The following WASF3 variants were observed in gnomAD, a reference collection of about 807,000 sequenced individuals.
The protein encoded by WASF3 is actin-binding protein WASF3.
A neutral mutation model predicts 46.6 loss-of-function variants in WASF3; 11 were observed. The ratio of observed to expected loss-of-function variants is 0.24; its 90% confidence interval spans 0.15 to 0.39. WASF3 has a LOEUF of 0.39. Among genes scored for constraint, WASF3 ranks in the 10% least tolerant of loss-of-function variants. The pLI is 1.00. For synonymous variants in WASF3, 242 were observed against 259.7 expected (o/e 0.93, Z 0.65); for missense variants, 576 against 669.8 (o/e 0.86, Z 1.55).
intron 2 of WASF3, among the ~76,000 whole-genome samples, chr13:26,634,401 C>T (rs891841441): frequency 3.3e-5 from 5 of 152,136 alleles, no homozygotes; most frequent in African/African-American, 1.2e-4. Context: ...AGATGGGTCT[C>T]CTGAATACAG....
chr13:26,605,108 T>C (rs979061972), intron 1 of WASF3, among the ~76,000 whole-genome samples: 2 of 152,184 alleles, frequency 1.3e-5, no homozygotes, highest in African/African-American at 4.8e-5. Context: ...TGCTGGCCCC[T>C]GGTTTTCCTC....
chr13:26,565,035 T>A (rs560580143), intron 1 of WASF3, among the ~76,000 whole-genome samples: 2 of 150,876 alleles, frequency 1.3e-5, no homozygotes, highest in South Asian at 4.2e-4. Context: ...TTAGAATTAA[T>A]GTTTGGTAGA....
intron 1 of WASF3, among the ~76,000 whole-genome samples, chr13:26,583,243 G>A (rs1016008557): frequency 6.6e-6 from 1 of 152,138 alleles, no homozygotes; most frequent in Admixed American, 6.5e-5. Flanking sequence ...AGATGACACT[G>A]GTCACATGGG....
the WASF3 span, among the ~76,000 whole-genome samples, chr13:26,542,273 A>T: frequency 6.6e-6 from 1 of 152,330 alleles, no homozygotes; most frequent in South Asian, 2.1e-4. Flanking sequence ...TGTGGGTTAT[A>T]AATAAGATTG....
intron 1 of WASF3, among the ~76,000 whole-genome samples, chr13:26,597,867 G>T (rs1476160533): frequency 6.6e-6 from 1 of 152,140 alleles, no homozygotes; most frequent in African/African-American, 2.4e-5. Flanking sequence ...GTCTATCATT[G>T]TTGGACATTT....
At chr13:26,592,334 T>C (rs1880328389) in intron 1 of WASF3, among the ~76,000 whole-genome samples, 1 of 152,212 alleles carries the variant, frequency 6.6e-6, no homozygotes, top group South Asian at 2.1e-4. Context: ...ATGAATTTTA[T>C]GGTAATTTTA....
At chr13:26,664,373 A>G (rs989900370) in intron 3 of WASF3, among the ~76,000 whole-genome samples, 1 of 152,236 alleles carries the variant, frequency 6.6e-6, no homozygotes, top group Non-Finnish European at 1.5e-5. Flanking sequence ...GTAAGCAGAT[A>G]ATGATTCTTA....
the WASF3 span, among the ~76,000 whole-genome samples, chr13:26,544,987 T>G: frequency 2.0e-5 from 3 of 152,238 alleles, no homozygotes; most frequent in African/African-American, 4.8e-5. Flanking sequence ...GGACATTTTT[T>G]GAGGCACGAT....
chr13:26,552,203 C>T, the WASF3 span, among the ~76,000 whole-genome samples: 2 of 152,158 alleles, frequency 1.3e-5, no homozygotes, highest in African/African-American at 4.8e-5. Flanking sequence ...AAGACAATTT[C>T]TCTGGGCCTT....
Position 26,627,176 on chromosome 13 carries a change from A to G in WASF3, c.-11+14118A>G, listed in dbSNP as rs144971607. Among the ~76,000 whole-genome samples the G allele has an allele frequency of 5.9e-5, 9 of 152,318 alleles. No homozygotes were observed. The East Asian group carries it at 1.7e-3, about 29-fold the overall frequency. On this transcript the variant is annotated intron_variant, in intron 2 of 9. Coordinates refer to ENST00000335327, the MANE Select transcript of WASF3 (RefSeq NM_006646.6). Reference sequence around the variant, plus strand: ...AGAAATTTAGGTTTAGATTAATTGCATGAGAAATAAAATTAGAGGACAAAT... The same window carrying G: ...AGAAATTTAGGTTTAGATTAATTGCGTGAGAAATAAAATTAGAGGACAAAT...
At chr13:26,556,945 T>C (rs1388643089), upstream of WASF3, among the ~76,000 whole-genome samples, 2 of 146,942 alleles carry the variant, frequency 1.4e-5, no homozygotes, top group Non-Finnish European at 3.0e-5. Flanking sequence ...CTATCTTGGC[T>C]TTTCTATCTT....
chr13:26,630,202 C>T (rs1209043741), intron 2 of WASF3, among the ~76,000 whole-genome samples: 2 of 152,038 alleles, frequency 1.3e-5, no homozygotes, highest in African/African-American at 2.4e-5. Flanking sequence ...GGTACATGTG[C>T]ACAACATGCA....
chr13:26,597,145 TA>T (rs780729777), intron 1 of WASF3, among the ~76,000 whole-genome samples: 49 of 152,184 alleles, frequency 3.2e-4, no homozygotes, highest in Non-Finnish European at 5.9e-4. Flanking sequence ...TTATTATTAT[TA>T]TTTTTTTGAG....
At position 26,676,631 on chromosome 13, in the gene WASF3, T is replaced by C. The variant is rs769209646; in HGVS notation, c.623T>C (p.Met208Thr). The stretch of plus-strand genomic sequence containing the variant: ...AACAGGCGCCAGGAGTGGAATATGA[T>C]GGCATATGACAAAGAGCTTAGACCC... Reference protein sequence around the residue: ...ARNRRQEWNMMAYDKELRPDN... With the variant: ...ARNRRQEWNMTAYDKELRPDN... The change falls in exon 7 of 10, where the codon ATG becomes ACG. Residue 208 changes from methionine (M) to threonine (T), a missense_variant. Around this residue, in one of 3 missense-constraint regions of WASF3, gnomAD observed 213 missense variants for 278.0 expected, o/e 0.77. Transcript: ENST00000335327. 2.5e-6 allele frequency: 4 copies of C among 1,614,064 alleles called. No individual in the cohort carries two copies. The highest frequency in any genetic ancestry group is 1.7e-6 in the Non-Finnish European group (2 of 1,179,960).
In WASF3 at chr13:26,681,060, T is replaced by C; in HGVS notation, c.723T>C (p.His241=). ...TCTTGTTTTCAAATGCCAGGTCACA[T>C]GCATCGGACGTTACGGATTACTCTT... ...EGSLSPDTRS[H]ASDVTDYSYP... The change falls in exon 8 of 10, where the codon CAT becomes CAC. Residue 241 remains histidine, a synonymous_variant. Transcript: ENST00000335327. 1 of 1,599,950 alleles carries C rather than the reference T, an allele frequency of 6.3e-7. No homozygotes were observed. Among genetic ancestry groups the C allele is most frequent in the East Asian group, 2.2e-5 (1 of 44,482 alleles).
intron 1 of WASF3, among the ~76,000 whole-genome samples, chr13:26,572,629 G>C (rs534358368): frequency 1.3e-5 from 2 of 152,156 alleles, no homozygotes; most frequent in African/African-American, 4.8e-5. Context: ...ACAGTGGCAC[G>C]ATCTCGGCTC....
In WASF3 at chr13:26,629,172, C is replaced by T. The variant is rs181556426; in HGVS notation, c.-10-13089C>T. Among the ~76,000 whole-genome samples the T allele has an allele frequency of 1.1e-3, 164 of 152,282 alleles. 2 individuals carry two copies. Among genetic ancestry groups the T allele is most frequent in the Non-Finnish European group, 1.0e-3 (69 of 68,020 alleles). ...GGCTGATAATTCTGGGTGGACTTAT[C>T]GATGATGCAGGCTGGCGGATTTTGC... On this transcript the variant is annotated intron_variant, in intron 2 of 9. Transcript: ENST00000335327.
the WASF3 span, among the ~76,000 whole-genome samples, chr13:26,545,420 A>C: frequency 6.6e-6 from 1 of 152,024 alleles, no homozygotes; most frequent in East Asian, 1.9e-4. Flanking sequence ...TTGACTTGTT[A>C]GTCTCCATAA....
At chr13:26,668,799 A>G (rs1210343995) in intron 5 of WASF3, among the ~76,000 whole-genome samples, 2 of 152,376 alleles carry the variant, frequency 1.3e-5, no homozygotes, top group Non-Finnish European at 2.9e-5. Context: ...TGGAAAAAGT[A>G]GACTTTTCTG....
Sources: gnomAD v4.1 joint callset for allele counts (sites outside exome capture counted in the v4.1 genomes callset) on GRCh38, gnomAD v4.1.1 for gene constraint, gnomAD v4.1.1 regional missense constraint, MANE v1.5 for transcripts, NCBI Gene and HGNC (gene_info 2026-07-23, HGNC 2026-07-21) for gene names.